The following DCC variants were observed in gnomAD, a reference collection of about 807,000 sequenced individuals.
The protein encoded by DCC is netrin receptor DCC.
In DCC, 58 loss-of-function variants were observed where a neutral mutation model predicts 172.5. The ratio of observed to expected loss-of-function variants is 0.34; its 90% CI spans 0.27 to 0.42. The LOEUF is 0.42. Ranked by LOEUF, DCC falls within the 10% of genes least tolerant of loss-of-function variation. DCC has a pLI of 1.00. For missense variants in DCC, 1,740 were observed against 1,791.0 expected (o/e 0.97, Z 0.51); for synonymous variants, 709 against 644.5 (o/e 1.10, Z -1.52).
chr18:52,853,215 C>A lies in DCC; in HGVS notation c.413-52829C>A, dbSNP rs148249212. On this transcript the variant is annotated intron_variant, in intron 2 of 28. Transcript: ENST00000442544. ...CATGTTGCTTTCACAGGCCACAAAG[C>A]AGATGGTCAGGTTCAGAAGTTTAGT... Among the ~76,000 whole-genome samples the A allele has an allele frequency of 5.3e-4, 81 of 152,234 alleles. No individual in the cohort carries two copies. In the East Asian group the frequency reaches 0.013, roughly 25 times the overall value.
rs202096932 is a variant in DCC at position 52,628,316 on chromosome 18, G to GA, written c.92-123734dup. Among the ~76,000 whole-genome samples the GA allele has an allele frequency of 5.7e-3, 866 of 152,286 alleles. 12 individuals carry two copies. Among genetic ancestry groups the GA allele is most frequent in the African/African-American group, 0.019 (781 of 41,548 alleles). On this transcript the variant is annotated intron_variant, in intron 1 of 28. Transcript: ENST00000442544. ...CAAACATAATTATGACCATTGTCAAGAAAAGATTCTGCAAACCACTCACAT... is the reference window on the plus strand; with the variant it reads ...CAAACATAATTATGACCATTGTCAAGAAAAAGATTCTGCAAACCACTCACAT...
rs145682573 is a variant in DCC, at chr18:53,505,635, TTAAAG to T, written c.4111+6128_4111+6132del. ...AACCTAATACAATGAAACTCTGAGG[TTAAAG>T]TATTCAGTGGCCATCCAGATAATCG... On this transcript the variant is annotated intron_variant, in intron 27 of 28. Coordinates refer to ENST00000442544, the MANE Select transcript of DCC (RefSeq NM_005215.4). 1.3e-5 allele frequency among the ~76,000 whole-genome samples: 2 copies of T among 152,266 alleles called. 1 individual carries two copies. Among genetic ancestry groups the T allele is most frequent in the South Asian group, 4.1e-4 (2 of 4,822 alleles).
chr18:52,612,726 A>G (rs541075167), intron 1 of DCC, among the ~76,000 whole-genome samples: 23 of 152,294 alleles, frequency 1.5e-4, no homozygotes, highest in Non-Finnish European at 2.6e-4. Context: ...ATTTACTTAA[A>G]TGGATTTGAT....
chr18:53,440,598 G>A (rs1219498128), intron 22 of DCC, among the ~76,000 whole-genome samples: 1 of 151,532 alleles, frequency 6.6e-6, no homozygotes, highest in Non-Finnish European at 1.5e-5. Context: ...TCCAAGGTTG[G>A]TAACTATTAG....
At position 52,511,967 on chromosome 18, in the gene DCC, A is replaced by G. The variant is rs187347649; in HGVS notation, c.91+171089A>G. Among the ~76,000 whole-genome samples the G allele has an allele frequency of 4.8e-3, 738 of 152,282 alleles. 8 individuals carry two copies. The highest frequency in any genetic ancestry group is 0.015 in the South Asian group (72 of 4,830). ...CTGTTGAAAGGGTGCGGCTGTGTTT[A>G]TATGATGTGTAAAGCCTGCCTTTCC... On this transcript the variant is annotated intron_variant, in intron 1 of 28. Coordinates refer to ENST00000442544, the MANE Select transcript of DCC (RefSeq NM_005215.4).
At chr18:53,113,546 T>G (rs1023701502) in intron 7 of DCC, among the ~76,000 whole-genome samples, 2 of 151,438 alleles carry the variant, frequency 1.3e-5, no homozygotes, top group Admixed American at 1.3e-4. Flanking sequence ...TGGTAACAGC[T>G]TTATTAAGAT....
At chr18:52,592,240 C>T (rs1437372667) in intron 1 of DCC, among the ~76,000 whole-genome samples, 1 of 152,110 alleles carries the variant, frequency 6.6e-6, no homozygotes, top group Non-Finnish European at 1.5e-5. Flanking sequence ...CTAAAAATAG[C>T]CAGATCAACA....
intron 2 of DCC, among the ~76,000 whole-genome samples, chr18:52,897,772 T>C (rs2039752460): frequency 6.6e-6 from 1 of 152,180 alleles, no homozygotes; most frequent in Admixed American, 6.5e-5. Context: ...CTTTGCAATG[T>C]CCACCATAGA....
chr18:53,084,915 CAA>C (rs1277378712), intron 7 of DCC, among the ~76,000 whole-genome samples: 2 of 152,128 alleles, frequency 1.3e-5, no homozygotes, highest in Admixed American at 1.3e-4. Flanking sequence ...CAATGTTGAA[CAA>C]ATAGTGATTT....
chr18:52,534,419 C>A (rs573435295), intron 1 of DCC, among the ~76,000 whole-genome samples: 2 of 152,232 alleles, frequency 1.3e-5, no homozygotes, highest in South Asian at 4.1e-4. Context: ...ACATAAGCTT[C>A]CTTACCTGTC....
At chr18:52,929,009 C>T (rs1206065143) in intron 5 of DCC, among the ~76,000 whole-genome samples, 2 of 152,050 alleles carry the variant, frequency 1.3e-5, no homozygotes, top group South Asian at 2.1e-4. Flanking sequence ...CTTCCAGGCT[C>T]ATTAAGTTAT....
intron 27 of DCC, among the ~76,000 whole-genome samples, chr18:53,502,551 T>C (rs971584633): frequency 2.7e-5 from 4 of 149,638 alleles, no homozygotes; most frequent in African/African-American, 1.0e-4. Flanking sequence ...CAACAAGTTT[T>C]GATTCTAAGA....
chr18:52,611,759 C>T (rs2034281094), intron 1 of DCC, among the ~76,000 whole-genome samples: 1 of 152,176 alleles, frequency 6.6e-6, no homozygotes, highest in South Asian at 2.1e-4. Context: ...AATAGGATCA[C>T]TGATTTCTAC....
At chr18:53,071,457 G>T (rs1474692167) in intron 7 of DCC, among the ~76,000 whole-genome samples, 1 of 152,154 alleles carries the variant, frequency 6.6e-6, no homozygotes, top group Non-Finnish European at 1.5e-5. Context: ...TATCAATAAT[G>T]GTACATAAGT....
At position 52,937,308 on chromosome 18, in the gene DCC, G is replaced by C. The variant is rs571699854; in HGVS notation, c.985+11938G>C. ...GAATGAGTTTTTCTTCTTCCTATTA[G>C]GTTGGTGCAAAAGTAATTGTGGTTT... On this transcript the variant is annotated intron_variant, in intron 5 of 28. Transcript: ENST00000442544. Among the ~76,000 whole-genome samples, 6 of 152,024 alleles carry C rather than the reference G, an allele frequency of 3.9e-5. No homozygotes were observed. The East Asian group carries it at 9.7e-4, about 25-fold the overall frequency.
chr18:53,391,187 G>A (rs1296129758), intron 16 of DCC, among the ~76,000 whole-genome samples: 1 of 152,106 alleles, frequency 6.6e-6, no homozygotes, highest in Non-Finnish European at 1.5e-5. Context: ...ACCCTATTAA[G>A]TTAGAGAAGG....
At chr18:53,007,053 A>G (rs980566809) in intron 5 of DCC, among the ~76,000 whole-genome samples, 2 of 152,248 alleles carry the variant, frequency 1.3e-5, no homozygotes, top group East Asian at 3.8e-4. Flanking sequence ...TGAAGATTTA[A>G]AAAACAAATG....
rs118040025 is a variant in DCC, at chr18:53,217,521, T to A, written c.1911+1924T>A. On this transcript the variant is annotated intron_variant, in intron 12 of 28. Transcript: ENST00000442544. ...CTGGAAAGTCACACTCCCTCTCTCC[T>A]TTTTCTCTCTCTGATCTTATTTCAT... Among the ~76,000 whole-genome samples the A allele has an allele frequency of 5.6e-3, 851 of 152,232 alleles. 5 individuals are homozygous for A. The highest frequency in any genetic ancestry group is 0.023 in the Admixed American group (349 of 15,268).
chr18:52,512,336 T>C (rs2031472930), intron 1 of DCC, among the ~76,000 whole-genome samples: 1 of 152,158 alleles, frequency 6.6e-6, no homozygotes, highest in Admixed American at 6.5e-5. Flanking sequence ...ACTAACAAAT[T>C]TGGCCATTAC....
Sources: gnomAD v4.1 joint callset for allele counts (sites outside exome capture counted in the v4.1 genomes callset) on GRCh38, gnomAD v4.1.1 for gene constraint, MANE v1.5 for transcripts, NCBI Gene and HGNC (gene_info 2026-07-23, HGNC 2026-07-21) for gene names.